The following RNFT2 variants were observed in gnomAD, a reference collection of about 807,000 sequenced individuals.
RNFT2 encodes the protein ring finger protein, transmembrane 2.
In RNFT2, 36 loss-of-function variants were observed where a neutral mutation model predicts 53.0. The observed-to-expected ratio is 0.68, with a 90% CI of 0.52 to 0.90. The LOEUF (loss-of-function observed/expected upper bound fraction) is 0.90. RNFT2 is among the 40% of genes least tolerant of loss of function. RNFT2 has a pLI of 0.00. For synonymous variants in RNFT2, 260 were observed against 253.2 expected (o/e 1.03, Z -0.26); for missense variants, 514 against 585.6 (o/e 0.88, Z 1.26).
rs200564095 is a variant in RNFT2, at chr12:116,841,778, T to A, written c.1200+5496T>A. Among the ~76,000 whole-genome samples the A allele has an allele frequency of 4.4e-3, 456 of 104,294 alleles. 12 individuals carry two copies. Among genetic ancestry groups the A allele is most frequent in the East Asian group, 0.014 (52 of 3,722 alleles). The allele number at this position is 104,294 out of a possible 152,430, so 68.4% of individuals were successfully genotyped here. A position where few individuals can be genotyped will look rare whatever the true frequency, so the allele number is the denominator to read the frequency against. ...ATATATAAATATAAATATATATATA[T>A]AAATATATATATATAAATATATATA... On this transcript the variant is annotated intron_variant, in intron 10 of 10. Coordinates refer to ENST00000257575, the MANE Select transcript of RNFT2 (RefSeq NM_001382266.1).
chr12:116,780,731 A>G (rs138423033), intron 7 of RNFT2, among the ~76,000 whole-genome samples: 1,617 of 151,980 alleles, frequency 0.011, 17 homozygotes, highest in Non-Finnish European at 0.018. Flanking sequence ...GGCCTAGGGA[A>G]GTCCTAAGAT....
intron 6 of RNFT2, among the ~76,000 whole-genome samples, chr12:116,776,109 A>G (rs1167020859): frequency 6.6e-6 from 1 of 152,210 alleles, no homozygotes; most frequent in African/African-American, 2.4e-5. Context: ...ACAATAAAAT[A>G]TATCAGTCCA....
chr12:116,795,410 G>GAA (rs201494908), intron 7 of RNFT2, among the ~76,000 whole-genome samples: 3 of 123,172 alleles, frequency 2.4e-5, no homozygotes, highest in South Asian at 2.5e-4. Flanking sequence ...TCCATCTCCA[G>GAA]AAAAAAAAAA....
At chr12:116,824,237 G>A (rs900526994) in intron 7 of RNFT2, among the ~76,000 whole-genome samples, 2 of 152,008 alleles carry the variant, frequency 1.3e-5, no homozygotes, top group Non-Finnish European at 2.9e-5. Flanking sequence ...CAGCATTAGA[G>A]CTCTCTATGA....
chr12:116,741,182 C>T, intron 3 of RNFT2, 88 bp downstream of exon 3: 1 of 997,590 alleles, frequency 1.0e-6, no homozygotes, highest in Non-Finnish European at 1.6e-6. Context: ...AATACCTCAC[C>T]CTCAGCGTTA....
At chr12:116,764,438 G>A (rs1291323207) in intron 5 of RNFT2, among the ~76,000 whole-genome samples, 2 of 152,260 alleles carry the variant, frequency 1.3e-5, no homozygotes, top group East Asian at 1.9e-4. Flanking sequence ...AGCATCGTCT[G>A]CTTTCTCAAA....
intron 7 of RNFT2, among the ~76,000 whole-genome samples, chr12:116,811,185 G>A (rs950202373): frequency 2.6e-5 from 4 of 152,038 alleles, no homozygotes; most frequent in Non-Finnish European, 5.9e-5. Flanking sequence ...TGGGAGGATG[G>A]CTTGAGCCCA....
In RNFT2 at chr12:116,779,334, G is replaced by A. The variant is rs1873586104; in HGVS notation, c.868G>A (p.Ala290Thr). ...LIVALPKIILAVKSKGKFYLV... is the reference protein window; with the variant it reads ...LIVALPKIILTVKSKGKFYLV... ...CGTGGCCCTGCCCAAGATCATCCTG[G>A]CTGTCAAGTCCAAGGTAGGCACTGG... is the stretch of plus-strand genomic sequence containing the variant. Residue 290 changes from alanine (A) to threonine (T), a missense_variant, in exon 7 of 11, where the codon GCT becomes ACT. Coordinates refer to ENST00000257575, the MANE Select transcript of RNFT2 (RefSeq NM_001382266.1). 2 of 1,613,984 alleles carry A rather than the reference G, an allele frequency of 1.2e-6. No individual in the cohort carries two copies. Among genetic ancestry groups the A allele is most frequent in the African/African-American group, 1.3e-5 (1 of 75,056 alleles).
At chr12:116,827,810 G>A (rs556278700) in intron 7 of RNFT2, among the ~76,000 whole-genome samples, 4 of 152,332 alleles carry the variant, frequency 2.6e-5, no homozygotes, top group African/African-American at 9.6e-5. Context: ...ATTTGGCCCA[G>A]AAACCAGCCT....
intron 10 of RNFT2, 89 bp downstream of exon 10, chr12:116,836,371 G>A (rs2137206872): frequency 9.4e-7 from 1 of 1,065,384 alleles, no homozygotes; most frequent in Non-Finnish European, 1.4e-6. Flanking sequence ...TCTCTGGCAT[G>A]GGTCTCTGGG....
chr12:116,744,550 A>G (rs2137064666), intron 3 of RNFT2, among the ~76,000 whole-genome samples: 1 of 152,300 alleles, frequency 6.6e-6, no homozygotes, highest in Middle Eastern at 3.4e-3. Context: ...CAGGGCTGAG[A>G]TTTGGGCCCC....
At chr12:116,809,878 T>G (rs1425775392) in intron 7 of RNFT2, among the ~76,000 whole-genome samples, 1 of 152,102 alleles carries the variant, frequency 6.6e-6, no homozygotes, top group Admixed American at 6.6e-5. Context: ...TTTCACCATG[T>G]TGGCCAGGCT....
At chr12:116,834,780 A>G (rs1168321682) in intron 8 of RNFT2, among the ~76,000 whole-genome samples, 1 of 151,952 alleles carries the variant, frequency 6.6e-6, no homozygotes, top group Non-Finnish European at 1.5e-5. Flanking sequence ...TCACCTATGA[A>G]GCTCACCATA....
chr12:116,790,509 A>C (rs889043341), intron 7 of RNFT2, among the ~76,000 whole-genome samples: 1 of 152,260 alleles, frequency 6.6e-6, no homozygotes, highest in Non-Finnish European at 1.5e-5. Flanking sequence ...TTGCAGTAAC[A>C]AACTTATAGC....
At chr12:116,788,523 G>C (rs1311349620) in intron 7 of RNFT2, among the ~76,000 whole-genome samples, 4 of 152,046 alleles carry the variant, frequency 2.6e-5, no homozygotes, top group Non-Finnish European at 4.4e-5. Context: ...GTGCTCCCAC[G>C]AGGACTCCTA....
intron 7 of RNFT2, among the ~76,000 whole-genome samples, chr12:116,803,825 G>A (rs1874922848): frequency 6.6e-6 from 1 of 152,188 alleles, no homozygotes; most frequent in Admixed American, 6.5e-5. Context: ...CAACATCAGG[G>A]GGCCAATGAG....
intron 7 of RNFT2, among the ~76,000 whole-genome samples, chr12:116,821,669 G>A (rs1301700791): frequency 6.6e-6 from 1 of 152,204 alleles, no homozygotes; most frequent in African/African-American, 2.4e-5. Context: ...TCTGGCCCAG[G>A]AGGCTGGAAG....
chr12:116,743,353 G>A (rs574582925), intron 3 of RNFT2, among the ~76,000 whole-genome samples: 61 of 147,686 alleles, frequency 4.1e-4, no homozygotes, highest in African/African-American at 1.5e-3. Flanking sequence ...TACAACTTCC[G>A]CCTCCTGGGT....
At chr12:116,807,575 A>G (rs1429486471) in intron 7 of RNFT2, among the ~76,000 whole-genome samples, 2 of 152,032 alleles carry the variant, frequency 1.3e-5, no homozygotes, top group Non-Finnish European at 2.9e-5. Flanking sequence ...TAATCACTGC[A>G]TGATTCTGCC....
Sources: allele counts gnomAD v4.1 joint callset (sites outside exome capture counted in the v4.1 genomes callset), GRCh38; gene constraint gnomAD v4.1.1; transcripts MANE v1.5; gene names NCBI Gene and HGNC (gene_info 2026-07-23, HGNC 2026-07-21).